The following CC2D2B variants were observed in gnomAD, a reference collection of about 807,000 sequenced individuals.
The protein encoded by CC2D2B is protein CC2D2B.
Under a neutral mutation model 161.2 loss-of-function variants are expected in CC2D2B, and 128 were observed. That is an observed-to-expected ratio of 0.79 (90% CI 0.69 to 0.92). The LOEUF (loss-of-function observed/expected upper bound fraction) is 0.92. Ranked by LOEUF, CC2D2B falls within the 40% of genes least tolerant of loss-of-function variation. CC2D2B has a pLI of 0.00. For synonymous variants in CC2D2B, 391 were observed against 449.8 expected (o/e 0.87, Z 1.65); for missense variants, 1,173 against 1,375.1 (o/e 0.85, Z 2.32).
intron 15 of CC2D2B, among the ~76,000 whole-genome samples, chr10:95,971,381 T>A: frequency 7.8e-6 from 1 of 127,712 alleles, no homozygotes; most frequent in Non-Finnish European, 1.7e-5. Context: ...AGAGCAAGAC[T>A]CAACCTCAAA....
chr10:96,011,627 G>A (rs2078992279), intron 26 of CC2D2B, among the ~76,000 whole-genome samples: 1 of 151,894 alleles, frequency 6.6e-6, no homozygotes, highest in Non-Finnish European at 1.5e-5. Flanking sequence ...GATTATTGCA[G>A]CCTCAGCCTC....
rs2075891088 is a variant in CC2D2B at position 95,938,104 on chromosome 10, C to G, written c.450C>G (p.Leu150=). 2.6e-6 allele frequency: 4 copies of G among 1,549,026 alleles called. No homozygotes were observed. Among genetic ancestry groups the G allele is most frequent in the Non-Finnish European group, 2.6e-6 (3 of 1,144,754 alleles). ...AAGAATTCATTTTGACAGATATACT[C>G]AAAGTAAAAGCTGCTGACTATGAAG... ...FMKEFILTDI[L]KVKAADYEDD... Residue 150 remains leucine, a synonymous_variant, in exon 7 of 35, where the codon CTC becomes CTG. Coordinates refer to ENST00000646931, the MANE Select transcript of CC2D2B (RefSeq NM_001349008.3).
intron 9 of CC2D2B, among the ~76,000 whole-genome samples, chr10:95,947,179 C>G (rs2076249565): frequency 7.3e-6 from 1 of 137,716 alleles, no homozygotes; most frequent in South Asian, 2.3e-4. Flanking sequence ...ATGGTGTGAT[C>G]TCAGCTCACT....
intron 9 of CC2D2B, among the ~76,000 whole-genome samples, chr10:95,943,248 T>C (rs1396935577): frequency 6.6e-6 from 1 of 152,204 alleles, no homozygotes; most frequent in Non-Finnish European, 1.5e-5. Context: ...TTCTGTTGGC[T>C]CTTTTGGACT....
At chr10:95,923,414 A>G (rs2098531885) in intron 3 of CC2D2B, among the ~76,000 whole-genome samples, 1 of 152,224 alleles carries the variant, frequency 6.6e-6, no homozygotes, top group Non-Finnish European at 1.5e-5. Flanking sequence ...TAATAGCTGG[A>G]AAAAGTAGGG....
At chr10:95,977,463 A>C (rs924813177) in intron 17 of CC2D2B, among the ~76,000 whole-genome samples, 4 of 152,218 alleles carry the variant, frequency 2.6e-5, no homozygotes, top group African/African-American at 9.6e-5. Context: ...TAGAGTTTTC[A>C]TTTTTAAACA....
chr10:95,994,194 G>A (rs181578854), intron 22 of CC2D2B, among the ~76,000 whole-genome samples: 2 of 150,946 alleles, frequency 1.3e-5, no homozygotes, highest in Admixed American at 1.3e-4. Flanking sequence ...ACAAGAAAGG[G>A]GGCAGGGTAA....
At chr10:95,982,897 G>A (rs1041625530) in intron 18 of CC2D2B, among the ~76,000 whole-genome samples, 4 of 151,932 alleles carry the variant, frequency 2.6e-5, no homozygotes, top group Admixed American at 1.3e-4. Flanking sequence ...TCAGCCTCTC[G>A]TGTAGCTGGG....
intron 17 of CC2D2B, among the ~76,000 whole-genome samples, chr10:95,980,787 C>T (rs1403353141): frequency 1.3e-5 from 2 of 152,082 alleles, no homozygotes; most frequent in African/African-American, 2.4e-5. Context: ...AATGTGTGCT[C>T]GTGTTTGGGC....
chr10:96,009,895 C>T lies in CC2D2B; in HGVS notation c.3017C>T (p.Pro1006Leu). 6.2e-7 allele frequency: 1 copy of T among 1,608,468 alleles called. No homozygotes were observed. The highest frequency in any genetic ancestry group is 8.5e-7 in the Non-Finnish European group (1 of 1,175,980). ...RKNWLGCIVFPFSALLQQSEI... is the reference protein window; with the variant it reads ...RKNWLGCIVFLFSALLQQSEI... ...AATTGGCTTGGATGCATTGTCTTCCCTTTTTCTGCTCTTCTGCAACAATCT... is the reference window on the plus strand; with the variant it reads ...AATTGGCTTGGATGCATTGTCTTCCTTTTTTCTGCTCTTCTGCAACAATCT... The change falls in exon 26 of 35, where the codon CCT (proline) becomes CTT (leucine). Residue 1006 changes from proline (P) to leucine (L), a missense_variant. Transcript: ENST00000646931.
chr10:96,010,639 G>A (rs772880180), intron 26 of CC2D2B, among the ~76,000 whole-genome samples: 19 of 152,110 alleles, frequency 1.2e-4, no homozygotes, highest in Non-Finnish European at 5.9e-5. Flanking sequence ...GGTTGCAAGT[G>A]GAAATGCCGG....
At chr10:95,930,630 A>G (rs2098548341) in intron 6 of CC2D2B, among the ~76,000 whole-genome samples, 1 of 152,226 alleles carries the variant, frequency 6.6e-6, no homozygotes, top group African/African-American at 2.4e-5. Flanking sequence ...TCTTTTCTGC[A>G]TCTATTGAGA....
chr10:96,007,829 GGGT>G (rs971307108), intron 25 of CC2D2B, among the ~76,000 whole-genome samples: 2 of 152,054 alleles, frequency 1.3e-5, no homozygotes, highest in African/African-American at 2.4e-5. Context: ...CCAATGGGAG[GGGT>G]GGTGGTGGTA....
chr10:95,938,242 G>A (rs1331931914), intron 7 of CC2D2B, 53 bp downstream of exon 7: 15 of 1,123,910 alleles, frequency 1.3e-5, no homozygotes, highest in Non-Finnish European at 1.8e-5. Flanking sequence ...TATGTTATGG[G>A]ATAATAGCTT....
chr10:96,025,313 T>C (rs1463498239), intron 33 of CC2D2B, among the ~76,000 whole-genome samples: 1 of 117,732 alleles, frequency 8.5e-6, no homozygotes, highest in Non-Finnish European at 1.6e-5. Context: ...TGAGATATGA[T>C]CACACAACAC....
In CC2D2B at chr10:96,010,540, C is replaced by T. The variant is rs371881326; in HGVS notation, c.3045+617C>T. Reference sequence around the variant, plus strand: ...TGTCTGTGGAATAAAACTAACATTTCAGTACAATGTGATAATGCTGTAGTG... The same window carrying T: ...TGTCTGTGGAATAAAACTAACATTTTAGTACAATGTGATAATGCTGTAGTG... On this transcript the variant is annotated intron_variant, in intron 26 of 34. Transcript: ENST00000646931. 2.8e-4 allele frequency among the ~76,000 whole-genome samples: 43 copies of T among 152,232 alleles called. No individual in the cohort carries two copies. The South Asian group carries it at 7.7e-3, about 27-fold the overall frequency.
chr10:95,934,954 T>G (rs1330214921), intron 6 of CC2D2B, among the ~76,000 whole-genome samples: 1 of 152,164 alleles, frequency 6.6e-6, no homozygotes. Flanking sequence ...CACTGCAACC[T>G]CTGTCTCCTG....
intron 11 of CC2D2B, among the ~76,000 whole-genome samples, chr10:95,959,433 T>A (rs558341612): frequency 6.6e-6 from 1 of 152,148 alleles, no homozygotes; most frequent in Non-Finnish European, 1.5e-5. Flanking sequence ...TTTCACAACC[T>A]CTTATTTAAT....
chr10:95,980,502 G>C (rs1447504758), intron 17 of CC2D2B, among the ~76,000 whole-genome samples: 1 of 152,156 alleles, frequency 6.6e-6, no homozygotes, highest in Non-Finnish European at 1.5e-5. Context: ...ACCTGAGGCT[G>C]TCTTCTAGGT....
Sources: allele counts gnomAD v4.1 joint callset (sites outside exome capture counted in the v4.1 genomes callset), GRCh38; gene constraint gnomAD v4.1.1; transcripts MANE v1.5; gene names NCBI Gene and HGNC (gene_info 2026-07-23, HGNC 2026-07-21).